Variants in CADM2 observed in about 807,000 individuals in gnomAD.
CADM2 encodes immunoglobulin superfamily member 4D.
A neutral mutation model predicts 49.8 loss-of-function variants in CADM2; 12 were observed. That is an observed-to-expected ratio of 0.24 (90% CI 0.15 to 0.39). The LOEUF (loss-of-function observed/expected upper bound fraction) is 0.39. Among genes scored for constraint, CADM2 ranks in the 10% least tolerant of loss-of-function variants. The pLI is 1.00. For missense variants in CADM2, 378 were observed against 492.3 expected (o/e 0.77, Z 2.20); for synonymous variants, 214 against 175.4 (o/e 1.22, Z -1.74).
intron 1 of CADM2, among the ~76,000 whole-genome samples, chr3:85,290,584 G>T (rs2043761444): frequency 6.6e-6 from 1 of 152,194 alleles, no homozygotes; most frequent in South Asian, 2.1e-4. Context: ...GCACGCAGCT[G>T]GAGATCTGAG....
intron 1 of CADM2, among the ~76,000 whole-genome samples, chr3:85,035,241 A>AT (rs1472698639): frequency 1.3e-5 from 2 of 151,892 alleles, no homozygotes; most frequent in Non-Finnish European, 2.9e-5. Flanking sequence ...GTCTATTCAT[A>AT]TTTTTGCCCA....
intron 1 of CADM2, among the ~76,000 whole-genome samples, chr3:85,663,283 T>C (rs1433340363): frequency 6.6e-6 from 1 of 152,084 alleles, no homozygotes; most frequent in African/African-American, 2.4e-5. Context: ...ACACACAGGC[T>C]TGCTGCCTAA....
At chr3:85,264,790 T>C (rs1414626496) in intron 1 of CADM2, among the ~76,000 whole-genome samples, 2 of 152,092 alleles carry the variant, frequency 1.3e-5, no homozygotes, top group Non-Finnish European at 2.9e-5. Context: ...GTATTATTTG[T>C]TTTAAATATA....
intron 1 of CADM2, among the ~76,000 whole-genome samples, chr3:84,984,639 T>C (rs1040263153): frequency 6.6e-6 from 1 of 151,886 alleles, no homozygotes; most frequent in East Asian, 1.9e-4. Context: ...TTCCCTTCTA[T>C]GAAAAGCTCT....
chr3:85,979,734 AGTCCATGGG>A (rs1373874602), intron 8 of CADM2, among the ~76,000 whole-genome samples: 10 of 151,748 alleles, frequency 6.6e-5, no homozygotes, highest in East Asian at 5.9e-4. Context: ...AAATTGACAT[AGTCCATGGG>A]GTCAGTATAA....
chr3:85,733,533 C>G (rs1272089824), intron 2 of CADM2, among the ~76,000 whole-genome samples: 1 of 152,080 alleles, frequency 6.6e-6, no homozygotes, highest in Non-Finnish European at 1.5e-5. Context: ...GTTATATATT[C>G]CATTTGCAAG....
At chr3:85,035,022 C>T (rs1030940037) in intron 1 of CADM2, among the ~76,000 whole-genome samples, 15 of 151,810 alleles carry the variant, frequency 9.9e-5, no homozygotes, top group African/African-American at 3.1e-4. Context: ...AGGCTGGTCT[C>T]GAAGTCCTGA....
intron 8 of CADM2, among the ~76,000 whole-genome samples, chr3:86,025,467 A>T (rs545505301): frequency 6.6e-6 from 1 of 152,098 alleles, no homozygotes; most frequent in East Asian, 1.9e-4. Flanking sequence ...TTGTAGTCAC[A>T]TACAGTTTAA....
intron 1 of CADM2, among the ~76,000 whole-genome samples, chr3:85,651,032 T>C (rs1181400228): frequency 1.3e-5 from 2 of 151,100 alleles, no homozygotes; most frequent in African/African-American, 4.9e-5. Context: ...TCCACCTAGG[T>C]CAAGTTCATG....
At chr3:85,416,119 C>A (rs1165274587) in intron 1 of CADM2, among the ~76,000 whole-genome samples, 1 of 151,952 alleles carries the variant, frequency 6.6e-6, no homozygotes, top group South Asian at 2.1e-4. Context: ...GCTAGATGAA[C>A]CTTATGCTAC....
At chr3:85,848,818 TGAC>T (rs1453630679) in intron 3 of CADM2, among the ~76,000 whole-genome samples, 4 of 152,230 alleles carry the variant, frequency 2.6e-5, no homozygotes, top group African/African-American at 9.6e-5. Flanking sequence ...TTCATGTTAC[TGAC>T]TACATGTCAG....
At chr3:85,015,241 T>G (rs2034201297) in intron 1 of CADM2, among the ~76,000 whole-genome samples, 1 of 152,146 alleles carries the variant, frequency 6.6e-6, no homozygotes, top group African/African-American at 2.4e-5. Flanking sequence ...GTTTAGAAGT[T>G]AGTTTCTATT....
At chr3:85,697,084 C>CAT (rs5850712) in intron 1 of CADM2, among the ~76,000 whole-genome samples, 1 of 35,562 alleles carries the variant, frequency 2.8e-5, no homozygotes, top group East Asian at 7.7e-4. Flanking sequence ...ATATATATGC[C>CAT]ATATATATAT....
intron 1 of CADM2, among the ~76,000 whole-genome samples, chr3:85,437,976 A>G (rs1044365247): frequency 2.0e-5 from 3 of 152,184 alleles, no homozygotes; most frequent in African/African-American, 7.2e-5. Flanking sequence ...TATTGTGCAA[A>G]GTATTAACAA....
At chr3:86,017,381 A>AC (rs1033731631) in intron 8 of CADM2, among the ~76,000 whole-genome samples, 1 of 152,010 alleles carries the variant, frequency 6.6e-6, no homozygotes, top group African/African-American at 2.4e-5. Flanking sequence ...TCTGAAGAAA[A>AC]ATTATAAAAT....
chr3:85,431,860 C>CATATGTGTAT (rs139257494), intron 1 of CADM2, among the ~76,000 whole-genome samples: 2 of 51,812 alleles, frequency 3.9e-5, no homozygotes, highest in African/African-American at 5.5e-5. Flanking sequence ...TGCTTAATTG[C>CATATGTGTAT]ATATATATAT....
chr3:85,295,653 A>G (rs576532372), intron 1 of CADM2, among the ~76,000 whole-genome samples: 9,861 of 151,968 alleles, frequency 0.065, 1,043 homozygotes, highest in African/African-American at 0.22. Flanking sequence ...ACATGGATGA[A>G]ATTGGAAATC....
chr3:85,890,126 T>TATGATACTTTATA (rs1714223718), intron 5 of CADM2, among the ~76,000 whole-genome samples: 1 of 151,962 alleles, frequency 6.6e-6, no homozygotes, highest in Non-Finnish European at 1.5e-5. Flanking sequence ...GTCTGTGCCT[T>TATGATACTTTATA]TTCCAAAAAG....
chr3:84,983,584 C>T lies in CADM2; in HGVS notation c.61+23916C>T, dbSNP rs570881529. On this transcript the variant is annotated intron_variant, in intron 1 of 9. Coordinates refer to ENST00000383699, the MANE Select transcript of CADM2 (RefSeq NM_001167675.2). Reference sequence around the variant, plus strand: ...AGAGGTGTCAGAAATCATTGTCTACCTCCCTTTATTTCTGCCTGGAGCCAA... The same window carrying T: ...AGAGGTGTCAGAAATCATTGTCTACTTCCCTTTATTTCTGCCTGGAGCCAA... 2.6e-5 allele frequency among the ~76,000 whole-genome samples: 4 copies of T among 152,154 alleles called. No individual in the cohort carries two copies. The East Asian group carries it at 5.8e-4, about 22-fold the overall frequency.
Sources: gnomAD v4.1 joint callset for allele counts (sites outside exome capture counted in the v4.1 genomes callset) on GRCh38, gnomAD v4.1.1 for gene constraint, MANE v1.5 for transcripts, NCBI Gene and HGNC (gene_info 2026-07-23, HGNC 2026-07-21) for gene names.